DPP10: variants seen among roughly 807,000 people sequenced by gnomAD.
DPP10 encodes dipeptidyl peptidase like 10.
Under a neutral mutation model 120.9 loss-of-function variants are expected in DPP10, and 33 were observed. The observed-to-expected ratio is 0.27, with a 90% CI of 0.21 to 0.37. The LOEUF (loss-of-function observed/expected upper bound fraction) is 0.37. DPP10 is among the 10% of genes least tolerant of loss of function. The pLI is 1.00. For synonymous variants in DPP10, 337 were observed against 326.1 expected, an observed-to-expected ratio of 1.03 and a Z score of -0.36; for missense variants, 816 against 942.8, an observed-to-expected ratio of 0.87 and a Z score of 1.76.
At chr2:115,041,076 G>T (rs1223179953) in intron 1 of DPP10, among the ~76,000 whole-genome samples, 2 of 146,662 alleles carry the variant, frequency 1.4e-5, no homozygotes, top group Non-Finnish European at 3.0e-5. Flanking sequence ...CCGAGATCAG[G>T]CCACTGCACT....
intron 5 of DPP10, among the ~76,000 whole-genome samples, chr2:115,581,263 A>G (rs534516263): frequency 1.1e-4 from 16 of 152,340 alleles, no homozygotes; most frequent in Non-Finnish European, 2.1e-4. Context: ...TGCTCTTAGT[A>G]GTAGTACTAG....
chr2:114,822,517 G>T (rs2106362227), intron 1 of DPP10, among the ~76,000 whole-genome samples: 1 of 152,130 alleles, frequency 6.6e-6, no homozygotes, highest in Non-Finnish European at 1.5e-5. Context: ...GTGGCTCCTT[G>T]TTTCTTATGC....
Position 115,081,257 on chromosome 2 carries a change from C to T in DPP10, c.61-227982C>T, listed in dbSNP as rs183224989. 8.0e-3 allele frequency among the ~76,000 whole-genome samples: 1,217 copies of T among 152,256 alleles called. 7 individuals carry two copies. Among genetic ancestry groups the T allele is most frequent in the Middle Eastern group, 0.017 (5 of 294 alleles). On this transcript the variant is annotated intron_variant, in intron 1 of 25. Transcript: ENST00000410059. ...TCCATCTGGGACTCGGATTACATTTCCTAAATCTTGTGTTGGTGTCATTCA... is the reference window on the plus strand; with the variant it reads ...TCCATCTGGGACTCGGATTACATTTTCTAAATCTTGTGTTGGTGTCATTCA...
At chr2:115,326,258 G>A (rs2106134971) in intron 2 of DPP10, among the ~76,000 whole-genome samples, 1 of 152,068 alleles carries the variant, frequency 6.6e-6, no homozygotes, top group South Asian at 2.1e-4. Flanking sequence ...TAATTCAGCT[G>A]TAAAGTTCTT....
chr2:115,193,299 G>A (rs930079054), intron 1 of DPP10, among the ~76,000 whole-genome samples: 2 of 151,950 alleles, frequency 1.3e-5, no homozygotes, highest in African/African-American at 2.4e-5. Flanking sequence ...CTTTTTACAT[G>A]AACTCTCCTT....
chr2:115,746,107 A>G lies in DPP10; in HGVS notation c.874A>G (p.Ile292Val). The change falls in exon 10 of 26, where the codon ATA (isoleucine) becomes GTA (valine). Residue 292 changes from isoleucine (I) to valine (V), a missense_variant. By Grantham distance (29) the Ile-to-Val change is conservative (BLOSUM62 3). Around this residue, in one of 3 missense-constraint regions of DPP10, gnomAD observed 592 missense variants for 649.0 expected, o/e 0.91. Coordinates refer to ENST00000410059, the MANE Select transcript of DPP10 (RefSeq NM_020868.6). Reference sequence around the variant, plus strand: ...AAAGGCAGGTCAAGTGAACCCAACAATAAAATTATATGTTGTAAACCTGTA... The same window carrying G: ...AAAGGCAGGTCAAGTGAACCCAACAGTAAAATTATATGTTGTAAACCTGTA... ...YPKAGQVNPT[I>V]KLYVVNLYGP... is the part of the protein sequence containing the mutation. 1 of 1,608,740 alleles carries G rather than the reference A, an allele frequency of 6.2e-7. No homozygotes were observed.
chr2:114,798,566 T>A (rs1683910501), intron 1 of DPP10, among the ~76,000 whole-genome samples: 1 of 152,152 alleles, frequency 6.6e-6, no homozygotes, highest in Non-Finnish European at 1.5e-5. Flanking sequence ...GCACATCTTA[T>A]GATTGCATCT....
chr2:114,488,533 C>T (rs552380267), intron 1 of DPP10, among the ~76,000 whole-genome samples: 3 of 152,120 alleles, frequency 2.0e-5, no homozygotes, highest in African/African-American at 7.2e-5. Context: ...TGAATTAGGG[C>T]AAAAGTAAGC....
intron 3 of DPP10, among the ~76,000 whole-genome samples, chr2:115,374,682 A>G (rs187597555): frequency 1.2e-4 from 18 of 152,366 alleles, no homozygotes; most frequent in African/African-American, 3.6e-4. Context: ...TCTGAAATCC[A>G]GACAGAGGTT....
intron 1 of DPP10, among the ~76,000 whole-genome samples, chr2:114,587,972 C>A (rs951903678): frequency 1.3e-5 from 2 of 152,178 alleles, no homozygotes; most frequent in African/African-American, 2.4e-5. Flanking sequence ...CAAAATGAAG[C>A]AACATTTACT....
intron 1 of DPP10, among the ~76,000 whole-genome samples, chr2:114,953,695 G>A (rs1697967791): frequency 6.6e-6 from 1 of 152,020 alleles, no homozygotes; most frequent in Non-Finnish European, 1.5e-5. Flanking sequence ...TTCTTGCTAT[G>A]TGCTATAATT....
At chr2:115,148,021 G>A (rs936258719) in intron 1 of DPP10, among the ~76,000 whole-genome samples, 4 of 152,046 alleles carry the variant, frequency 2.6e-5, no homozygotes, top group East Asian at 1.9e-4. Context: ...ATGAAGAGAA[G>A]CCATCCTTTC....
chr2:115,647,744 G>A (rs2087393415), intron 5 of DPP10, among the ~76,000 whole-genome samples: 1 of 152,086 alleles, frequency 6.6e-6, no homozygotes, highest in African/African-American at 2.4e-5. Flanking sequence ...TCCTCACATG[G>A]TAGGAAGAGA....
intron 3 of DPP10, among the ~76,000 whole-genome samples, chr2:115,372,084 T>A (rs2065448571): frequency 6.6e-6 from 1 of 152,160 alleles, no homozygotes; most frequent in Non-Finnish European, 1.5e-5. Flanking sequence ...TGTATTAAAG[T>A]GTATAAAATT....
chr2:114,996,936 C>G (rs1366688377), intron 1 of DPP10, among the ~76,000 whole-genome samples: 1 of 137,422 alleles, frequency 7.3e-6, no homozygotes, highest in Non-Finnish European at 1.5e-5. Context: ...GAGCCGAGAT[C>G]GTGCCACTGC....
At chr2:114,522,755 G>A (rs1322210591) in intron 1 of DPP10, among the ~76,000 whole-genome samples, 4 of 152,092 alleles carry the variant, frequency 2.6e-5, no homozygotes, top group African/African-American at 4.8e-5. Context: ...ACAGTTCCAC[G>A]TGGCTGGGGA....
intron 1 of DPP10, among the ~76,000 whole-genome samples, chr2:115,256,441 C>T (rs1002417402): frequency 1.9e-4 from 29 of 152,148 alleles, no homozygotes; most frequent in Non-Finnish European, 1.0e-4. Context: ...CATGCCTTCT[C>T]TGAAGCAGCA....
At chr2:115,630,839 G>C (rs541573129) in intron 5 of DPP10, among the ~76,000 whole-genome samples, 2 of 151,912 alleles carry the variant, frequency 1.3e-5, no homozygotes, top group Admixed American at 6.6e-5. Flanking sequence ...ATTGATGTTT[G>C]TCAGGCATTG....
At chr2:115,334,862 A>G (rs1209750313) in intron 2 of DPP10, among the ~76,000 whole-genome samples, 8 of 151,980 alleles carry the variant, frequency 5.3e-5, no homozygotes, top group Non-Finnish European at 1.0e-4. Context: ...TTTATGTAAA[A>G]CACAAAACAA....
Sources: allele counts gnomAD v4.1 joint callset (sites outside exome capture counted in the v4.1 genomes callset), GRCh38; gene constraint gnomAD v4.1.1; regional missense constraint gnomAD v4.1.1; transcripts MANE v1.5; gene names NCBI Gene and HGNC (gene_info 2026-07-23, HGNC 2026-07-21).